Variants in FAM241A observed in about 807,000 individuals in gnomAD.
The protein encoded by FAM241A is uncharacterized protein FAM241A.
A neutral mutation model predicts 12.2 loss-of-function variants in FAM241A; 7 were observed. The ratio of observed to expected loss-of-function variants is 0.58; its 90% confidence interval spans 0.33 to 1.08. The LOEUF (loss-of-function observed/expected upper bound fraction) is 1.08, where lower values mean the gene tolerates loss of function less well. FAM241A is among the 50% of genes least tolerant of loss of function. The pLI is 0.04. For missense variants in FAM241A, 161 were observed against 169.7 expected, an observed-to-expected ratio of 0.95 and a Z score of 0.29; for synonymous variants, 74 against 68.2, an observed-to-expected ratio of 1.08 and a Z score of -0.42.
chr4:112,176,428 C>CT (rs1255205676), intron 1 of FAM241A, among the ~76,000 whole-genome samples: 1 of 152,152 alleles, frequency 6.6e-6, no homozygotes, highest in African/African-American at 2.4e-5. Flanking sequence ...GGTGAAGAAA[C>CT]TGAGAGTCAG....
At chr4:112,157,575 G>T (rs886371737) in intron 1 of FAM241A, among the ~76,000 whole-genome samples, 1 of 151,892 alleles carries the variant, frequency 6.6e-6, no homozygotes, top group Non-Finnish European at 1.5e-5. Flanking sequence ...TTCTATTCCA[G>T]TCTTCTTGCC....
chr4:112,171,641 C>T (rs1336817138), intron 1 of FAM241A: 9 of 509,816 alleles, frequency 1.8e-5, no homozygotes, highest in South Asian at 9.8e-5. Context: ...GGGCGAATCA[C>T]GAGGTTAGGA....
rs1269066314 is a variant in FAM241A, at chr4:112,192,061, T to C, written c.*5123T>C. On this transcript the variant is annotated 3_prime_UTR_variant, in exon 2 of 2. Coordinates refer to ENST00000309733, the MANE Select transcript of FAM241A (RefSeq NM_152400.3). ...AGTTCTTTGACTCCAAAAGTATACT[T>C]ACTGTGCACAAAGAGCATGGGTTGA... 1 of 152,198 alleles carries C rather than the reference T, an allele frequency of 6.6e-6. No homozygotes were observed. The highest frequency in any genetic ancestry group is 1.5e-5 in the Non-Finnish European group (1 of 68,038). 9.4% of individuals were successfully genotyped at this position (152,198 alleles called of 1,614,324 possible).
chr4:112,193,711 C>G lies in FAM241A; in HGVS notation c.*6773C>G, dbSNP rs1724212960. ...TTTTGTGTTCCATTGATCTATATCT[C>G]TGTTTTGGTACCAGTACCATGCTGT... On this transcript the variant is annotated 3_prime_UTR_variant, in exon 2 of 2. Transcript: ENST00000309733. 6.6e-6 allele frequency: 1 copy of G among 152,160 alleles called. No homozygotes were observed. Among genetic ancestry groups the G allele is most frequent in the Non-Finnish European group, 1.5e-5 (1 of 68,040 alleles). 9.4% of individuals were successfully genotyped at this position (152,160 alleles called of 1,614,324 possible). A position where few individuals can be genotyped will look rare whatever the true frequency, so the allele number is the denominator to read the frequency against.
intron 1 of FAM241A, among the ~76,000 whole-genome samples, chr4:112,184,603 C>T (rs1292722876): frequency 6.6e-6 from 1 of 152,140 alleles, no homozygotes; most frequent in Non-Finnish European, 1.5e-5. Context: ...AACAAAGATG[C>T]CCCAGTGAGT....
chr4:112,186,599 C>A, intron 1 of FAM241A, 94 bp from the exon 2 acceptor site: 1 of 1,157,756 alleles, frequency 8.6e-7, no homozygotes, highest in Non-Finnish European at 1.2e-6. Flanking sequence ...GAAGTATGCC[C>A]AGCACTTTGG....
In FAM241A at chr4:112,188,622, C is replaced by T. The variant is rs1724093708; in HGVS notation, c.*1684C>T. Reference sequence around the variant, plus strand: ...GTTTGAAAAGGTGTTTTTATTAGTGCACAATAGAATTGTGAGGTTTTCAAT... The same window carrying T: ...GTTTGAAAAGGTGTTTTTATTAGTGTACAATAGAATTGTGAGGTTTTCAAT... On this transcript the variant is annotated 3_prime_UTR_variant, in exon 2 of 2. Coordinates refer to ENST00000309733, the MANE Select transcript of FAM241A (RefSeq NM_152400.3). 6.6e-6 allele frequency: 1 copy of T among 152,140 alleles called. No homozygotes were observed. The highest frequency in any genetic ancestry group is 2.1e-4 in the South Asian group (1 of 4,816). The allele number at this position is 152,140 out of a possible 1,614,324, so 9.4% of individuals were successfully genotyped here. A position where few individuals can be genotyped will look rare whatever the true frequency, so the allele number is the denominator to read the frequency against.
intron 1 of FAM241A, among the ~76,000 whole-genome samples, chr4:112,157,313 A>G (rs1052149004): frequency 2.0e-5 from 3 of 152,152 alleles, no homozygotes; most frequent in African/African-American, 4.8e-5. Flanking sequence ...AGATAAGAAT[A>G]TTTTTGCATT....
chr4:112,145,572 G>T lies in FAM241A; in HGVS notation c.-9G>T, dbSNP rs776621058. ...GCGGCTGTCCGGGGCGGTAGGAGTT[G>T]GCTGCGGGATGTGCTCAGCCGGGGA... On this transcript the variant is annotated 5_prime_UTR_variant, in exon 1 of 2. Transcript: ENST00000309733. 5.6e-6 allele frequency: 7 copies of T among 1,248,528 alleles called. No homozygotes were observed. Among genetic ancestry groups the T allele is most frequent in the Non-Finnish European group, 6.0e-6 (6 of 995,158 alleles). The allele number at this position is 1,248,528 out of a possible 1,614,324, so 77.3% of individuals were successfully genotyped here.
In FAM241A at chr4:112,189,226, G is replaced by T. The variant is rs898134135; in HGVS notation, c.*2288G>T. 2.0e-5 allele frequency: 3 copies of T among 151,440 alleles called. No homozygotes were observed. Among genetic ancestry groups the T allele is most frequent in the Non-Finnish European group, 4.4e-5 (3 of 67,902 alleles). The allele number at this position is 151,440 out of a possible 1,614,324, so 9.4% of individuals were successfully genotyped here. A position where few individuals can be genotyped will look rare whatever the true frequency, so the allele number is the denominator to read the frequency against. ...TGGTGAAACCCCATCCCTACTAAAG[G>T]TACAAAAAATTAGCCGGGCCTGGTG... On this transcript the variant is annotated 3_prime_UTR_variant, in exon 2 of 2. Transcript: ENST00000309733.
intron 1 of FAM241A, among the ~76,000 whole-genome samples, chr4:112,157,490 C>T (rs896351443): frequency 6.6e-6 from 1 of 151,946 alleles, no homozygotes; most frequent in African/African-American, 2.4e-5. Context: ...ATTTGCTACA[C>T]TAAGTAGATT....
intron 1 of FAM241A, among the ~76,000 whole-genome samples, chr4:112,164,417 A>G (rs1378595674): frequency 1.2e-4 from 17 of 142,952 alleles, no homozygotes; most frequent in East Asian, 4.4e-4. Flanking sequence ...CTTGGACACA[A>G]GGTGGGGAAC....
At chr4:112,180,879 T>C (rs558420921) in intron 1 of FAM241A, among the ~76,000 whole-genome samples, 1 of 152,310 alleles carries the variant, frequency 6.6e-6, no homozygotes, top group East Asian at 1.9e-4. Flanking sequence ...ACATTTGTGT[T>C]GTTTTAAACC....
chr4:112,189,998 T>C lies in FAM241A; in HGVS notation c.*3060T>C, dbSNP rs1724131478. ...AGAAAGCATATGAGGTAAATCCCCATCGACCCACCCAAAACTGAATCTGGC... is the reference window on the plus strand; with the variant it reads ...AGAAAGCATATGAGGTAAATCCCCACCGACCCACCCAAAACTGAATCTGGC... On this transcript the variant is annotated 3_prime_UTR_variant, in exon 2 of 2. Coordinates refer to ENST00000309733, the MANE Select transcript of FAM241A (RefSeq NM_152400.3). The C allele has an allele frequency of 6.6e-6, 1 of 152,072 alleles. No individual in the cohort carries two copies. Among genetic ancestry groups the C allele is most frequent in the South Asian group, 2.1e-4 (1 of 4,826 alleles). The allele number at this position is 152,072 out of a possible 1,614,324, so 9.4% of individuals were successfully genotyped here.
chr4:112,146,449 G>A (rs931799043), intron 1 of FAM241A, among the ~76,000 whole-genome samples: 8 of 152,132 alleles, frequency 5.3e-5, no homozygotes, highest in Non-Finnish European at 1.0e-4. Context: ...GTGATAATGG[G>A]CATTATAACA....
At chr4:112,178,491 C>T (rs539076462) in intron 1 of FAM241A, among the ~76,000 whole-genome samples, 29 of 152,238 alleles carry the variant, frequency 1.9e-4, no homozygotes, top group Admixed American at 5.9e-4. Flanking sequence ...GTTTTGTCTG[C>T]TTTGTCAAAG....
rs1277378112 is a variant in FAM241A, at chr4:112,192,411, A to C, written c.*5473A>C. The C allele has an allele frequency of 6.6e-6, 1 of 151,914 alleles. No individual in the cohort carries two copies. The highest frequency in any genetic ancestry group is 2.4e-5 in the African/African-American group (1 of 41,300). The allele number at this position is 151,914 out of a possible 1,614,324, so 9.4% of individuals were successfully genotyped here. A position where few individuals can be genotyped will look rare whatever the true frequency, so the allele number is the denominator to read the frequency against. On this transcript the variant is annotated 3_prime_UTR_variant, in exon 2 of 2. Transcript: ENST00000309733. The stretch of plus-strand genomic sequence containing the variant: ...TGTACAATGTGCAGGTTAGTTACAT[A>C]TGTATACATGTGCCATGCTAGTGTG...
chr4:112,145,839 C>A, intron 1 of FAM241A, 106 bp downstream of exon 1: 2 of 677,862 alleles, frequency 3.0e-6, no homozygotes, highest in Non-Finnish European at 3.8e-6. Flanking sequence ...CGCAGCTCTG[C>A]CCCGCGTGGG....
chr4:112,162,805 A>C (rs925183095), intron 1 of FAM241A, among the ~76,000 whole-genome samples: 2 of 152,234 alleles, frequency 1.3e-5, no homozygotes, highest in Non-Finnish European at 2.9e-5. Flanking sequence ...ATTGGAAGAC[A>C]CTACTTTAAA....
Sources: gnomAD v4.1 joint callset for allele counts (sites outside exome capture counted in the v4.1 genomes callset) on GRCh38, gnomAD v4.1.1 for gene constraint, MANE v1.5 for transcripts, NCBI Gene and HGNC (gene_info 2026-07-23, HGNC 2026-07-21) for gene names.